RIMS2: variants seen among roughly 807,000 people sequenced by gnomAD.
RIMS2 encodes the protein regulating synaptic membrane exocytosis 2, also known as regulating synaptic membrane exocytosis protein 2.
A neutral mutation model predicts 174.4 loss-of-function variants in RIMS2; 59 were observed. The observed-to-expected ratio is 0.34, with a 90% confidence interval of 0.27 to 0.42. RIMS2 has a LOEUF of 0.42. Ranked by LOEUF, RIMS2 falls within the 10% of genes least tolerant of loss-of-function variation. The pLI, the probability that RIMS2 is intolerant of heterozygous loss-of-function variation, is 1.00. For missense variants in RIMS2, 1,620 were observed against 1,666.3 expected (o/e 0.97, Z 0.48); for synonymous variants, 606 against 572.5 (o/e 1.06, Z -0.84).
At chr8:103,717,956 TA>T (rs2097394761) in intron 2 of RIMS2, among the ~76,000 whole-genome samples, 1 of 152,234 alleles carries the variant, frequency 6.6e-6, no homozygotes, top group Non-Finnish European at 1.5e-5. Flanking sequence ...AATTTTAATT[TA>T]AATAACCACA....
chr8:104,067,984 G>C (rs1033938223), intron 19 of RIMS2, among the ~76,000 whole-genome samples: 6 of 152,088 alleles, frequency 3.9e-5, no homozygotes, highest in Non-Finnish European at 5.9e-5. Flanking sequence ...GTTGATCCTA[G>C]TTCTAGAAAA....
chr8:103,793,154 C>G (rs1448431763), intron 3 of RIMS2, among the ~76,000 whole-genome samples: 1 of 152,106 alleles, frequency 6.6e-6, no homozygotes, highest in Non-Finnish European at 1.5e-5. Context: ...GACCAATATC[C>G]CTGATGAACA....
chr8:103,684,036 G>A (rs538092762), intron 1 of RIMS2, among the ~76,000 whole-genome samples: 151 of 152,212 alleles, frequency 9.9e-4, no homozygotes, highest in South Asian at 3.3e-3. Context: ...CTGACTTTAG[G>A]TTAGCACTTC....
rs1011561902 is a variant in RIMS2, at chr8:103,708,553, C to T, written c.387+11257C>T. Among the ~76,000 whole-genome samples, 3 of 151,896 alleles carry T rather than the reference C, an allele frequency of 2.0e-5. 1 individual carries two copies. The highest frequency in any genetic ancestry group is 4.4e-5 in the Non-Finnish European group (3 of 67,954). ...AGTTGTTCAAAGTTGATGTTCTTGC[C>T]AGGGACATGATCACAGGAGATTCTC... On this transcript the variant is annotated intron_variant, in intron 2 of 23. Coordinates refer to ENST00000504942, the Ensembl canonical transcript of RIMS2.
chr8:103,575,685 CAT>C (rs917263576), intron 1 of RIMS2, among the ~76,000 whole-genome samples: 27 of 145,286 alleles, frequency 1.9e-4, no homozygotes, highest in Non-Finnish European at 2.7e-4. Flanking sequence ...CACACACACA[CAT>C]ATATATATAT....
chr8:103,871,125 A>C lies in RIMS2; in HGVS notation c.699-14173A>C, dbSNP rs1202487269. On this transcript the variant is annotated intron_variant, in intron 3 of 23. Transcript: ENST00000504942. ...TAATTCCAATAGAAAATAATGTAAA[A>C]GGGCCAGGCGCAGTGGCTCATGCCT... 2.6e-5 allele frequency among the ~76,000 whole-genome samples: 4 copies of C among 152,150 alleles called. No homozygotes were observed. The South Asian group carries it at 6.2e-4, about 24-fold the overall frequency.
chr8:104,239,619 T>C (rs1231894873), intron 19 of RIMS2, among the ~76,000 whole-genome samples: 1 of 152,134 alleles, frequency 6.6e-6, no homozygotes, highest in Non-Finnish European at 1.5e-5. Context: ...TGGTTAAGTT[T>C]TTACAGTTTT....
Position 103,988,356 on chromosome 8 carries a change from A to G in RIMS2, c.2928-949A>G, listed in dbSNP as rs573596176. Among the ~76,000 whole-genome samples, 4 of 152,330 alleles carry G rather than the reference A, an allele frequency of 2.6e-5. No individual in the cohort carries two copies. In the East Asian group the frequency reaches 7.7e-4, roughly 29 times the overall value. On this transcript the variant is annotated intron_variant, in intron 16 of 23. Coordinates refer to ENST00000504942, the Ensembl canonical transcript of RIMS2. ...GGAATAAATTAAAAACTGGACTCCT[A>G]TCTTTCATCCTACAATATGACATGC...
chr8:103,768,716 A>G (rs2098211448), intron 3 of RIMS2: 15 of 768,098 alleles, frequency 2.0e-5, no homozygotes, highest in East Asian at 4.9e-5. Context: ...AAACTTTTCA[A>G]TCTCTCTAAA....
intron 19 of RIMS2, among the ~76,000 whole-genome samples, chr8:104,235,325 T>C (rs191665607): frequency 2.0e-5 from 3 of 152,112 alleles, no homozygotes; most frequent in Non-Finnish European, 2.9e-5. Context: ...TTGCCAAAAT[T>C]TGAGTTCAAA....
In RIMS2 at chr8:103,731,944, G is replaced by A. The variant is rs578062792; in HGVS notation, c.388-34283G>A. On this transcript the variant is annotated intron_variant, in intron 2 of 23. Coordinates refer to ENST00000504942, the Ensembl canonical transcript of RIMS2. Reference sequence around the variant, plus strand: ...ACATATCTGTCTCTCTTGTGCATTAGTTTGTTTGGTGAAGTCATATTTTCC... The same window carrying A: ...ACATATCTGTCTCTCTTGTGCATTAATTTGTTTGGTGAAGTCATATTTTCC... Among the ~76,000 whole-genome samples, 3 of 152,238 alleles carry A rather than the reference G, an allele frequency of 2.0e-5. 1 individual carries two copies. The Middle Eastern group carries it at 0.01, about 518-fold the overall frequency.
At chr8:103,548,879 C>T (rs1587425489) in intron 1 of RIMS2, among the ~76,000 whole-genome samples, 1 of 151,920 alleles carries the variant, frequency 6.6e-6, no homozygotes, top group African/African-American at 2.4e-5. Context: ...TCAATGATGA[C>T]CAAGCTGAAA....
At chr8:103,606,223 A>G (rs2095071249) in intron 1 of RIMS2, among the ~76,000 whole-genome samples, 1 of 144,928 alleles carries the variant, frequency 6.9e-6, no homozygotes. Flanking sequence ...TTGGTTTCAA[A>G]GAACATCTTT....
At chr8:103,868,444 CATTTTTTGT>C (rs974075684) in intron 3 of RIMS2, among the ~76,000 whole-genome samples, 3 of 151,800 alleles carry the variant, frequency 2.0e-5, no homozygotes, top group Non-Finnish European at 4.4e-5. Flanking sequence ...GAACTATAAA[CATTTTTTGT>C]ATTTTTTGTT....
At chr8:103,539,127 A>C (rs1030573378) in intron 1 of RIMS2, among the ~76,000 whole-genome samples, 1 of 152,212 alleles carries the variant, frequency 6.6e-6, no homozygotes, top group African/African-American at 2.4e-5. Flanking sequence ...TGAGTACAGA[A>C]GTTTGGGGCT....
In RIMS2 at chr8:103,568,884, G is replaced by T; in HGVS notation, c.176+67822G>T. ...AATTGCTGTCTGAATATTATTAAAA[G>T]AGGCAGGAAGACCACATTGCTGCAA... is the stretch of plus-strand genomic sequence containing the variant. On this transcript the variant is annotated intron_variant, in intron 1 of 23. Transcript: ENST00000504942. The T allele has an allele frequency of 3.5e-6, 4 of 1,140,786 alleles. 1 individual carries two copies. In the South Asian group the frequency reaches 4.9e-5, roughly 14 times the overall value. The allele number at this position is 1,140,786 out of a possible 1,614,324, so 70.7% of individuals were successfully genotyped here. A position where few individuals can be genotyped will look rare whatever the true frequency, so the allele number is the denominator to read the frequency against.
intron 19 of RIMS2, among the ~76,000 whole-genome samples, chr8:104,113,337 A>G (rs1419148708): frequency 6.6e-6 from 1 of 152,104 alleles, no homozygotes; most frequent in Non-Finnish European, 1.5e-5. Flanking sequence ...ATCTGCTTGA[A>G]CAGTTGAGAG....
chr8:103,683,166 G>T (rs1042826768), intron 1 of RIMS2, among the ~76,000 whole-genome samples: 1 of 152,164 alleles, frequency 6.6e-6, no homozygotes, highest in Non-Finnish European at 1.5e-5. Flanking sequence ...ATAGGGAAAA[G>T]AAGTTTATTT....
At chr8:104,125,519 G>A (rs1318089284) in intron 19 of RIMS2, among the ~76,000 whole-genome samples, 1 of 152,112 alleles carries the variant, frequency 6.6e-6, no homozygotes, top group Non-Finnish European at 1.5e-5. Flanking sequence ...CAAACTAAGA[G>A]ACAAAATTAA....
Sources: gnomAD v4.1 joint callset for allele counts (sites outside exome capture counted in the v4.1 genomes callset) on GRCh38, gnomAD v4.1.1 for gene constraint, MANE v1.5 for transcripts, NCBI Gene and HGNC (gene_info 2026-07-23, HGNC 2026-07-21) for gene names.